RMST: variants seen among roughly 807,000 people sequenced by gnomAD.
RMST encodes the protein rhabdomyosarcoma 2 associated transcript.
At chr12:97,519,535 T>G (rs568710036) in intron 10 of RMST, among the ~76,000 whole-genome samples, 1 of 152,360 alleles carries the variant, frequency 6.6e-6, no homozygotes, top group African/African-American at 2.4e-5. Flanking sequence ...TTTAAAATTT[T>G]ATTTGAAATT....
At chr12:97,541,908 G>A (rs1182018866) in intron 11 of RMST, among the ~76,000 whole-genome samples, 1 of 151,836 alleles carries the variant, frequency 6.6e-6, no homozygotes, top group Non-Finnish European at 1.5e-5. Flanking sequence ...AAACGTGCAA[G>A]GCACAATGTC....
chr12:97,507,503 A>C (rs986708781), intron 10 of RMST, among the ~76,000 whole-genome samples: 1 of 152,164 alleles, frequency 6.6e-6, no homozygotes, highest in African/African-American at 2.4e-5. Flanking sequence ...CAGTTGAATG[A>C]GATGGAGCAG....
intron 13 of RMST, chr12:97,563,285 T>C (rs1251960173): frequency 6.1e-6 from 1 of 164,176 alleles, no homozygotes; most frequent in Non-Finnish European, 1.3e-5. Context: ...TATGCTATAC[T>C]TTTTTATTTC....
chr12:97,477,275 G>C (rs1874664958), intron 5 of RMST, among the ~76,000 whole-genome samples: 1 of 152,138 alleles, frequency 6.6e-6, no homozygotes, highest in South Asian at 2.1e-4. Context: ...GAGGTCCATG[G>C]ATAAGCAGTG....
At chr12:97,514,250 T>G (rs1035541916) in intron 10 of RMST, among the ~76,000 whole-genome samples, 11 of 152,288 alleles carry the variant, frequency 7.2e-5, no homozygotes, top group Non-Finnish European at 1.3e-4. Context: ...GGCAACATAT[T>G]TCCAGATGAC....
chr12:97,484,159 C>A (rs1303276086), intron 5 of RMST, among the ~76,000 whole-genome samples: 1 of 152,072 alleles, frequency 6.6e-6, no homozygotes, highest in Non-Finnish European at 1.5e-5. Flanking sequence ...AGTTTTATAG[C>A]CCTCTGTCAA....
chr12:97,560,876 A>C (rs1023217290), exon 13 of RMST: 4 of 152,186 alleles, frequency 2.6e-5, no homozygotes, highest in Admixed American at 6.5e-5. Context: ...CAAAGAATGC[A>C]CTCGGAGCCC....
At chr12:97,521,315 T>G (rs569317888) in intron 10 of RMST, among the ~76,000 whole-genome samples, 2 of 152,266 alleles carry the variant, frequency 1.3e-5, no homozygotes, top group East Asian at 3.9e-4. Context: ...AGCATAAAAC[T>G]GATGTTTTCT....
chr12:97,528,672 T>C (rs1459318215), intron 10 of RMST, among the ~76,000 whole-genome samples: 1 of 152,190 alleles, frequency 6.6e-6, no homozygotes, highest in African/African-American at 2.4e-5. Context: ...AATACATATG[T>C]CATTAATATA....
intron 10 of RMST, among the ~76,000 whole-genome samples, chr12:97,516,390 T>C (rs973576187): frequency 6.6e-6 from 1 of 152,006 alleles, no homozygotes; most frequent in Non-Finnish European, 1.5e-5. Flanking sequence ...TATTCATCAT[T>C]TCCTATCTGA....
intron 11 of RMST, among the ~76,000 whole-genome samples, chr12:97,542,414 A>G (rs1051270687): frequency 1.4e-4 from 21 of 151,860 alleles, no homozygotes; most frequent in African/African-American, 5.1e-4. Flanking sequence ...CCTGGACTCT[A>G]CAGGTGCTGA....
intron 9 of RMST, among the ~76,000 whole-genome samples, chr12:97,495,632 C>T (rs561192053): frequency 1.2e-4 from 18 of 152,134 alleles, no homozygotes; most frequent in African/African-American, 3.9e-4. Flanking sequence ...GTCTGAGCAA[C>T]GTGATACAGC....
chr12:97,478,657 C>T (rs1874844566), intron 5 of RMST, among the ~76,000 whole-genome samples: 1 of 152,164 alleles, frequency 6.6e-6, no homozygotes, highest in Non-Finnish European at 1.5e-5. Context: ...TGTGCCCATA[C>T]ACCTATCATA....
At chr12:97,526,849 T>C (rs1025463451) in intron 10 of RMST, among the ~76,000 whole-genome samples, 35 of 152,186 alleles carry the variant, frequency 2.3e-4, no homozygotes, top group Non-Finnish European at 5.0e-4. Context: ...ACTTTGGCAA[T>C]GAGAGTGCAT....
At chr12:97,525,086 G>A (rs1880950921) in intron 10 of RMST, among the ~76,000 whole-genome samples, 1 of 152,188 alleles carries the variant, frequency 6.6e-6, no homozygotes, top group Admixed American at 6.5e-5. Flanking sequence ...GTAACATGGG[G>A]AAAGGACTCC....
intron 10 of RMST, among the ~76,000 whole-genome samples, chr12:97,510,084 CATTT>C (rs1453304015): frequency 6.6e-6 from 1 of 152,120 alleles, no homozygotes. Context: ...CATGTACACT[CATTT>C]ATACTCTGAG....
intron 5 of RMST, among the ~76,000 whole-genome samples, chr12:97,474,120 G>A (rs1382754802): frequency 6.6e-6 from 1 of 152,034 alleles, no homozygotes; most frequent in Non-Finnish European, 1.5e-5. Context: ...TGGGGGCAGG[G>A]GGAGGATGTA....
chr12:97,496,994 G>T lies in RMST; in HGVS notation n.1340+938G>T, dbSNP rs1877503942. On this transcript the variant is annotated intron_variant and non_coding_transcript_variant, in intron 10 of 13. Transcript: ENST00000640149. ...ACTCATTTTATGAATGAATCAAAAA[G>T]TTCCTCAGCTAGTGCCCACATACTC... Among the ~76,000 whole-genome samples, 4 of 152,188 alleles carry T rather than the reference G, an allele frequency of 2.6e-5. No homozygotes were observed. In the South Asian group the frequency reaches 8.3e-4, roughly 31 times the overall value.
intron 10 of RMST, among the ~76,000 whole-genome samples, chr12:97,510,872 G>C (rs1273997687): frequency 6.6e-6 from 1 of 151,298 alleles, no homozygotes; most frequent in Non-Finnish European, 1.5e-5. Flanking sequence ...TTTTTTTTAA[G>C]TTGAACTGAG....
Sources: allele counts gnomAD v4.1 joint callset (sites outside exome capture counted in the v4.1 genomes callset), GRCh38; gene constraint gnomAD v4.1.1; transcripts MANE v1.5; gene names NCBI Gene and HGNC (gene_info 2026-07-23, HGNC 2026-07-21).